ZNF765: variants seen among roughly 807,000 people sequenced by gnomAD.
The protein encoded by ZNF765 is zinc finger protein 765.
ZNF765 carries 37 observed loss-of-function variants against 44.7 expected under a neutral mutation model. That is an observed-to-expected ratio of 0.83 (90% CI 0.64 to 1.09). ZNF765 has a LOEUF of 1.09. ZNF765 is among the 50% of genes least tolerant of loss of function. The pLI is 0.00. For missense variants in ZNF765, 594 were observed against 626.1 expected (o/e 0.95, Z 0.55); for synonymous variants, 201 against 213.7 (o/e 0.94, Z 0.52).
In ZNF765 at chr19:53,409,110, G is replaced by A; in HGVS notation, c.1555G>A (p.Glu519Lys). The A allele has an allele frequency of 6.2e-7, 1 of 1,613,538 alleles. No individual in the cohort carries two copies. ...AAGACATAGGAGAATTTATACTGGA[G>A]AGAAACTACACGTGTAATGAGTGTG... is the stretch of plus-strand genomic sequence containing the variant. ...LERHRRIYTG[E>K]KLHV Residue 519 changes from glutamate to lysine, a missense_variant, in exon 4 of 4, where the codon GAG (glutamate) becomes AAG (lysine). Around this residue, in one of 2 missense-constraint regions of ZNF765, gnomAD observed 567 missense variants for 572.6 expected, o/e 0.99. Coordinates refer to ENST00000396408, the MANE Select transcript of ZNF765 (RefSeq NM_001040185.3).
intron 2 of ZNF765, among the ~76,000 whole-genome samples, chr19:53,400,622 T>TATACATATACATACAC (rs2085714749): frequency 6.6e-6 from 1 of 151,956 alleles, no homozygotes; most frequent in Admixed American, 6.6e-5. Flanking sequence ...CACATACACA[T>TATACATATACATACAC]ATACATATAC....
rs781023379 is a variant in ZNF765 at position 53,408,023 on chromosome 19, T to C, written c.468T>C (p.Thr156=). The change falls in exon 4 of 4, where the codon ACT becomes ACC. Residue 156 remains threonine, a synonymous_variant. Transcript: ENST00000396408. ...TGCCTGAACTGCACATATTTCACACTGAAGAGAAAATTGATAATCAAGTTG... is the reference window on the plus strand; with the variant it reads ...TGCCTGAACTGCACATATTTCACACCGAAGAGAAAATTGATAATCAAGTTG... ...SHLPELHIFH[T]EEKIDNQVVK... 5 of 1,614,146 alleles carry C rather than the reference T, an allele frequency of 3.1e-6. No homozygotes were observed. The highest frequency in any genetic ancestry group is 4.2e-6 in the Non-Finnish European group (5 of 1,180,008).
chr19:53,399,699 T>C (rs1175853690), intron 2 of ZNF765, among the ~76,000 whole-genome samples: 4 of 151,956 alleles, frequency 2.6e-5, no homozygotes, highest in Non-Finnish European at 5.9e-5. Flanking sequence ...AAAAAATTTT[T>C]ACGTTTGGGG....
intron 3 of ZNF765, among the ~76,000 whole-genome samples, chr19:53,404,500 T>C (rs1421574598): frequency 6.6e-6 from 1 of 152,176 alleles, no homozygotes; most frequent in Non-Finnish European, 1.5e-5. Context: ...TCACCCAGGC[T>C]GGAGTGCGGT....
rs1352302675 is a variant in ZNF765 at position 53,407,365 on chromosome 19, A to G, written c.143-333A>G. On this transcript the variant is annotated intron_variant, in intron 3 of 3. Coordinates refer to ENST00000396408, the MANE Select transcript of ZNF765 (RefSeq NM_001040185.3). The stretch of plus-strand genomic sequence containing the variant: ...TATGCTGTAAATGTGAAGAATATAT[A>G]CTTTTCATTGATGTGACAGTGATAT... 2.6e-5 allele frequency among the ~76,000 whole-genome samples: 4 copies of G among 152,140 alleles called. No homozygotes were observed. In the South Asian group the frequency reaches 6.2e-4, roughly 24 times the overall value.
Position 53,406,027 on chromosome 19 carries a change from AT to A in ZNF765, c.143-1652del, listed in dbSNP as rs201892505. On this transcript the variant is annotated intron_variant, in intron 3 of 3. Coordinates refer to ENST00000396408, the MANE Select transcript of ZNF765 (RefSeq NM_001040185.3). ...TTGCACCCTCTGACACCGTTAGTCA[AT>A]TTTTTTTTTTTTTTTTTTGGAGATG... Among the ~76,000 whole-genome samples, 223 of 125,294 alleles carry A rather than the reference AT, an allele frequency of 1.8e-3. 1 individual carries two copies. Among genetic ancestry groups the A allele is most frequent in the African/African-American group, 6.1e-3 (200 of 32,590 alleles). The allele number at this position is 125,294 out of a possible 152,430, so 82.2% of individuals were successfully genotyped here. A position where few individuals can be genotyped will look rare whatever the true frequency, so the allele number is the denominator to read the frequency against.
chr19:53,401,992 C>G, intron 2 of ZNF765, 73 bp from the exon 3 acceptor site: 2 of 1,613,842 alleles, frequency 1.2e-6, no homozygotes, highest in Non-Finnish European at 8.5e-7. Flanking sequence ...CTTCACCTCT[C>G]TCTTCTTCTC....
At chr19:53,427,292 A>G (rs1264953919) in exon 4 of ZNF765, 1 of 141,654 alleles carries the variant, frequency 7.1e-6, no homozygotes, top group African/African-American at 2.9e-5. Context: ...TATTGTTTTG[A>G]GTAAAATTAA....
intron 2 of ZNF765, among the ~76,000 whole-genome samples, chr19:53,400,539 C>T (rs1373024042): frequency 6.6e-6 from 1 of 152,026 alleles, no homozygotes; most frequent in Non-Finnish European, 1.5e-5. Flanking sequence ...GATTCCTCTT[C>T]AGTTCAACAA....
intron 3 of ZNF765, among the ~76,000 whole-genome samples, chr19:53,407,036 G>A (rs1325644493): frequency 1.3e-5 from 2 of 151,730 alleles, no homozygotes; most frequent in African/African-American, 4.8e-5. Context: ...TTTCAAGATG[G>A]AATCTCACTT....
downstream of ZNF765, among the ~76,000 whole-genome samples, chr19:53,416,919 G>C (rs1362227730): frequency 1.3e-5 from 2 of 151,852 alleles, no homozygotes; most frequent in East Asian, 1.9e-4. Context: ...GCAGGTTTGA[G>C]CAATTCTCCT....
At chr19:53,402,254 T>G (rs1174650318) in intron 3 of ZNF765, 63 bp downstream of exon 3, 1 of 298,942 alleles carries the variant, frequency 3.3e-6, no homozygotes. Context: ...TCTCCTTTTT[T>G]TTTTTTTTTT....
At chr19:53,417,357 CTT>C (rs1264674375) in intron 3 of ZNF765, among the ~76,000 whole-genome samples, 1 of 152,156 alleles carries the variant, frequency 6.6e-6, no homozygotes, top group African/African-American at 2.4e-5. Flanking sequence ...TTACCTCCCT[CTT>C]ATAAGTGAGA....
At chr19:53,404,778 A>G (rs2085759387) in intron 3 of ZNF765, among the ~76,000 whole-genome samples, 2 of 152,130 alleles carry the variant, frequency 1.3e-5, no homozygotes, top group Admixed American at 1.3e-4. Flanking sequence ...AGTTTTTAAA[A>G]CACGTAATTG....
downstream of ZNF765, among the ~76,000 whole-genome samples, chr19:53,414,861 T>A (rs1266280500): frequency 6.6e-6 from 1 of 151,968 alleles, no homozygotes; most frequent in Non-Finnish European, 1.5e-5. Context: ...ATGGACACAC[T>A]CAGCTCTGTC....
In ZNF765 at chr19:53,409,383, TGAA is replaced by T. The variant is rs768616355; in HGVS notation, c.*261_*263del. 7.1e-6 allele frequency: 6 copies of T among 839,674 alleles called. No homozygotes were observed. The highest frequency in any genetic ancestry group is 1.2e-5 in the Non-Finnish European group (6 of 480,606). The allele number at this position is 839,674 out of a possible 1,614,324, so 52.0% of individuals were successfully genotyped here. The stretch of plus-strand genomic sequence containing the variant: ...AGAGACCTTACAAATGTGAAGAATG[TGAA>T]GAAGCTTTCTGTTTCAAATCCAACC... On this transcript the variant is annotated 3_prime_UTR_variant, in exon 4 of 4. Coordinates refer to ENST00000396408, the MANE Select transcript of ZNF765 (RefSeq NM_001040185.3).
chr19:53,408,908 A>C lies in ZNF765; in HGVS notation c.1353A>C (p.Ser451=). Residue 451 remains serine, a synonymous_variant, in exon 4 of 4, where the codon TCA becomes TCC. Transcript: ENST00000396408. The part of the protein sequence containing the change: ...EECDKAYSFK[S]NLEIHQKIHT... ...GTGACAAAGCCTACAGTTTCAAATC[A>C]AACCTTGAAATACATCAGAAAATTC... is the stretch of plus-strand genomic sequence containing the variant. 1 of 1,613,836 alleles carries C rather than the reference A, an allele frequency of 6.2e-7. No homozygotes were observed. Among genetic ancestry groups the C allele is most frequent in the Non-Finnish European group, 8.5e-7 (1 of 1,179,910 alleles).
intron 3 of ZNF765, among the ~76,000 whole-genome samples, chr19:53,417,532 A>C (rs950497983): frequency 3.1e-4 from 47 of 152,278 alleles, no homozygotes; most frequent in African/African-American, 1.1e-3. Context: ...TCCATGGGTG[A>C]TGGGCATTTT....
intron 3 of ZNF765, among the ~76,000 whole-genome samples, chr19:53,404,544 C>A (rs527391847): frequency 8.5e-5 from 13 of 152,140 alleles, no homozygotes; most frequent in Middle Eastern, 3.4e-3. Flanking sequence ...CCTCTGCCTC[C>A]CAGGTTCAAG....
Sources: gnomAD v4.1 joint callset for allele counts (sites outside exome capture counted in the v4.1 genomes callset) on GRCh38, gnomAD v4.1.1 for gene constraint, gnomAD v4.1.1 regional missense constraint, MANE v1.5 for transcripts, NCBI Gene and HGNC (gene_info 2026-07-23, HGNC 2026-07-21) for gene names.